Variants in PIK3R3 observed in about 807,000 individuals in gnomAD.
PIK3R3 encodes the protein phosphoinositide-3-kinase regulatory subunit 3.
A neutral mutation model predicts 62.9 loss-of-function variants in PIK3R3; 64 were observed. The observed-to-expected ratio is 1.02, with a 90% confidence interval of 0.83 to 1.25. The LOEUF (loss-of-function observed/expected upper bound fraction) is 1.25. Ranked by LOEUF, PIK3R3 falls within the 50% of genes most tolerant of loss-of-function variation. The pLI is 0.00. For synonymous variants in PIK3R3, 165 were observed against 189.0 expected (o/e 0.87, Z 1.04); for missense variants, 614 against 561.6 (o/e 1.09, Z -0.94).
In PIK3R3 at chr1:46,044,382, T is replaced by C. The variant is rs1039403353; in HGVS notation, c.1188-511A>G. Among the ~76,000 whole-genome samples, 1 of 152,100 alleles carries C rather than the reference T, an allele frequency of 6.6e-6. No individual in the cohort carries two copies. The highest frequency in any genetic ancestry group is 1.5e-5 in the Non-Finnish European group (1 of 68,012). ...AGCCACCACGCCCAGCCAAGGGTAG[T>C]TTTTGATTAATCAGTTTATGTAAGG... On this transcript the variant is annotated intron_variant, in intron 9 of 9. Coordinates refer to ENST00000262741, the MANE Select transcript of PIK3R3 (RefSeq NM_003629.4). The surrounding 1 kb of genome is among the most constrained non-coding windows in gnomAD (Gnocchi z 4.2).
At chr1:46,127,342 C>CAA (rs11337913) in intron 1 of PIK3R3, among the ~76,000 whole-genome samples, 10 of 127,040 alleles carry the variant, frequency 7.9e-5, no homozygotes, top group African/African-American at 2.3e-4. Flanking sequence ...GACCCTGCCT[C>CAA]AAAAAAAAAA....
chr1:46,165,852 A>G, the PIK3R3 span, among the ~76,000 whole-genome samples: 1 of 124,330 alleles, frequency 8.0e-6, no homozygotes, highest in Non-Finnish European at 1.6e-5. Context: ...GCTCACTGTA[A>G]GCTCCGCCTC....
At chr1:46,058,306 G>A (rs1085240) in intron 6 of PIK3R3, among the ~76,000 whole-genome samples, 108,818 of 152,218 alleles carry the variant, frequency 0.71, 39,033 homozygotes, top group African/African-American at 0.75. Context: ...AACCTCTGCT[G>A]GGGCAGTGTG....
chr1:46,075,420 G>A (rs1406869998), intron 3 of PIK3R3, among the ~76,000 whole-genome samples: 1 of 152,106 alleles, frequency 6.6e-6, no homozygotes, highest in Non-Finnish European at 1.5e-5. Flanking sequence ...TTTGAGACCA[G>A]CCTGGGCAAC....
chr1:46,144,995 T>C, the PIK3R3 span, among the ~76,000 whole-genome samples: 1 of 150,618 alleles, frequency 6.6e-6, no homozygotes, highest in Non-Finnish European at 1.5e-5. Flanking sequence ...TGATGGCGCA[T>C]GCCTGTAATA....
chr1:46,145,435 G>A, the PIK3R3 span, among the ~76,000 whole-genome samples: 1 of 152,094 alleles, frequency 6.6e-6, no homozygotes, highest in African/African-American at 2.4e-5. Context: ...TCCAAAATTG[G>A]GCAGCCACAT....
At chr1:46,110,215 G>C (rs927837369) in intron 1 of PIK3R3, among the ~76,000 whole-genome samples, 13 of 148,058 alleles carry the variant, frequency 8.8e-5, no homozygotes, top group Admixed American at 7.4e-4. Context: ...AGGTTCAAGT[G>C]ATTCTCCTGG....
intron 1 of PIK3R3, among the ~76,000 whole-genome samples, chr1:46,119,185 T>C (rs756507778): frequency 2.6e-5 from 4 of 152,318 alleles, no homozygotes; most frequent in African/African-American, 4.8e-5. Flanking sequence ...CCTCACTCCC[T>C]TAGAAATGTA....
chr1:46,080,926 T>G (rs1650525375), intron 1 of PIK3R3, among the ~76,000 whole-genome samples, 176 bp from the exon 2 acceptor site: 1 of 152,206 alleles, frequency 6.6e-6, no homozygotes, highest in African/African-American at 2.4e-5. Flanking sequence ...GCCTAAAAAG[T>G]GAAAACGTCA....
intron 1 of PIK3R3, among the ~76,000 whole-genome samples, chr1:46,111,082 T>A (rs1653703251): frequency 6.6e-6 from 1 of 152,110 alleles, no homozygotes; most frequent in Non-Finnish European, 1.5e-5. Flanking sequence ...CACATTTCCC[T>A]ATTACTATAT....
At position 46,040,592 on chromosome 1, in the gene PIK3R3, C is replaced by T; in HGVS notation, c.*3081G>A. 2 of 224,288 alleles carry T rather than the reference C, an allele frequency of 8.9e-6. No homozygotes were observed. Among genetic ancestry groups the T allele is most frequent in the Non-Finnish European group, 1.8e-5 (2 of 112,350 alleles). 13.9% of individuals were successfully genotyped at this position (224,288 alleles called of 1,614,324 possible). On this transcript the variant is annotated 3_prime_UTR_variant, in exon 10 of 10. Coordinates refer to ENST00000262741, the MANE Select transcript of PIK3R3 (RefSeq NM_003629.4). Reference sequence around the variant, plus strand: ...TATCTGGACCCTCTGGTTTCTGAGGCCACTGAAGCCTCACAGAGGCCTACT... The same window carrying T: ...TATCTGGACCCTCTGGTTTCTGAGGTCACTGAAGCCTCACAGAGGCCTACT...
chr1:46,172,992 C>CAA, the PIK3R3 span, among the ~76,000 whole-genome samples: 1 of 140,634 alleles, frequency 7.1e-6, no homozygotes, highest in Non-Finnish European at 1.6e-5. Context: ...GGCGCTGTCT[C>CAA]AAAAAAAAAA....
intron 3 of PIK3R3, among the ~76,000 whole-genome samples, chr1:46,074,665 G>T (rs980807160): frequency 8.6e-5 from 12 of 139,348 alleles, no homozygotes; most frequent in Non-Finnish European, 1.8e-4. Flanking sequence ...GACAAAGGTG[G>T]AAAGGCCAGT....
At chr1:46,077,372 T>C (rs1205257487) in intron 3 of PIK3R3, 143 bp downstream of exon 3, 1 of 452,930 alleles carries the variant, frequency 2.2e-6, no homozygotes, top group East Asian at 3.3e-5. Flanking sequence ...AAAAAAGAAT[T>C]AGCCAGACTG....
At chr1:46,077,202 T>C (rs896045081) in intron 3 of PIK3R3, among the ~76,000 whole-genome samples, 1 of 152,208 alleles carries the variant, frequency 6.6e-6, no homozygotes, top group Non-Finnish European at 1.5e-5. Context: ...GATAGATTCA[T>C]TTTTACCCTT....
upstream of PIK3R3, among the ~76,000 whole-genome samples, chr1:46,133,348 G>A (rs1244939332): frequency 6.6e-6 from 1 of 152,228 alleles, no homozygotes; most frequent in Non-Finnish European, 1.5e-5. Context: ...CGAGTAAGGA[G>A]AGGAGCCAGG....
Position 46,042,848 on chromosome 1 carries a change from G to A in PIK3R3, c.*825C>T, listed in dbSNP as rs1647020491. ...AAAGAATGCTATTCCTCATCTCAGAGAAACAGGCAGGAAGGACAGAAGGGG... is the reference window on the plus strand; with the variant it reads ...AAAGAATGCTATTCCTCATCTCAGAAAAACAGGCAGGAAGGACAGAAGGGG... On this transcript the variant is annotated 3_prime_UTR_variant, in exon 10 of 10. Coordinates refer to ENST00000262741, the MANE Select transcript of PIK3R3 (RefSeq NM_003629.4). The surrounding 1 kb of genome is among the most constrained non-coding windows in gnomAD (Gnocchi z 4.3). 5.1e-6 allele frequency: 1 copy of A among 197,418 alleles called. No individual in the cohort carries two copies. The highest frequency in any genetic ancestry group is 1.1e-5 in the Non-Finnish European group (1 of 95,170). 12.2% of individuals were successfully genotyped at this position (197,418 alleles called of 1,614,324 possible). A position where few individuals can be genotyped will look rare whatever the true frequency, so the allele number is the denominator to read the frequency against.
At chr1:46,103,054 T>A (rs955073155) in intron 1 of PIK3R3, among the ~76,000 whole-genome samples, 1 of 152,036 alleles carries the variant, frequency 6.6e-6, no homozygotes. Flanking sequence ...TTATACTGAG[T>A]GAAATAAGCC....
At chr1:46,077,729 G>T in intron 2 of PIK3R3, 116 bp from the exon 3 acceptor site, 1 of 654,834 alleles carries the variant, frequency 1.5e-6, no homozygotes, top group Non-Finnish European at 2.8e-6. Flanking sequence ...GTGTGCCTGA[G>T]GTTATAGAAT....
Sources: gnomAD v4.1 joint callset for allele counts (sites outside exome capture counted in the v4.1 genomes callset) on GRCh38, gnomAD v4.1.1 for gene constraint, Gnocchi (gnomAD v3.1) non-coding constraint, MANE v1.5 for transcripts, NCBI Gene and HGNC (gene_info 2026-07-23, HGNC 2026-07-21) for gene names.